The following ZNF740 variants were observed in gnomAD, a reference collection of about 807,000 sequenced individuals.
ZNF740 encodes oriLyt TD-element-binding protein 7.
In ZNF740, 14 loss-of-function variants were observed where a neutral mutation model predicts 24.8. That is an observed-to-expected ratio of 0.56 (90% CI 0.37 to 0.88). ZNF740 has a LOEUF of 0.88. Among genes scored for constraint, ZNF740 ranks in the 40% least tolerant of loss-of-function variants. The pLI is 0.00. For synonymous variants in ZNF740, 69 were observed against 84.0 expected (o/e 0.82, Z 0.98); for missense variants, 201 against 247.9 (o/e 0.81, Z 1.27).
At position 53,194,067 on chromosome 12, in the gene ZNF740, A is replaced by C; in HGVS notation, c.*6477A>C. On this transcript the variant is annotated 3_prime_UTR_variant, in exon 7 of 7. Coordinates refer to ENST00000416904, the MANE Select transcript of ZNF740 (RefSeq NM_001004304.4). ...AGGAAGCCACTCAGACTGCTCCAGGAAGGATGGATGGAGGACTACCTCAGG... is the reference window on the plus strand; with the variant it reads ...AGGAAGCCACTCAGACTGCTCCAGGCAGGATGGATGGAGGACTACCTCAGG... 8 of 1,413,080 alleles carry C rather than the reference A, an allele frequency of 5.7e-6. No homozygotes were observed. The highest frequency in any genetic ancestry group is 1.8e-5 in the Admixed American group (1 of 55,584). The allele number at this position is 1,413,080 out of a possible 1,614,324, so 87.5% of individuals were successfully genotyped here. A position where few individuals can be genotyped will look rare whatever the true frequency, so the allele number is the denominator to read the frequency against.
chr12:53,191,513 G>A lies in ZNF740; in HGVS notation c.*3923G>A. ...TTCCTCTCACCCTCCAGTTCCCACT[G>A]TCCTCCAAGGAGAAGAGCCTTGGGT... On this transcript the variant is annotated 3_prime_UTR_variant, in exon 7 of 7. Transcript: ENST00000416904. 6.8e-7 allele frequency: 1 copy of A among 1,469,628 alleles called. No homozygotes were observed. The highest frequency in any genetic ancestry group is 2.3e-5 in the East Asian group (1 of 44,128). 91.0% of individuals were successfully genotyped at this position (1,469,628 alleles called of 1,614,324 possible).
At position 53,191,919 on chromosome 12, in the gene ZNF740, G is replaced by A; in HGVS notation, c.*4329G>A. On this transcript the variant is annotated 3_prime_UTR_variant, in exon 7 of 7. Transcript: ENST00000416904. ...AGCGACTGTATTCCCGGCGGTCATA[G>A]ATTTCCACCGAGAGCCGGTAAGCCA... 5 of 1,611,178 alleles carry A rather than the reference G, an allele frequency of 3.1e-6. No homozygotes were observed. The highest frequency in any genetic ancestry group is 4.2e-6 in the Non-Finnish European group (5 of 1,179,948).
At chr12:53,186,146 C>A in intron 5 of ZNF740, 69 bp downstream of exon 5, 1 of 1,557,936 alleles carries the variant, frequency 6.4e-7, no homozygotes, top group Non-Finnish European at 8.7e-7. Context: ...CTGTTTGTGG[C>A]TCTAGTTGGG....
rs529260407 is a variant in ZNF740 at position 53,189,865 on chromosome 12, C to G, written c.*2275C>G. ...CAAAAATGCTTTTGAAAATGAGAGC[C>G]CTCTGTCCCTGCCACTTACAGCTAG... On this transcript the variant is annotated 3_prime_UTR_variant, in exon 7 of 7. Transcript: ENST00000416904. The G allele has an allele frequency of 6.6e-6, 1 of 152,158 alleles. No homozygotes were observed. The highest frequency in any genetic ancestry group is 6.5e-5 in the Admixed American group (1 of 15,280). The allele number at this position is 152,158 out of a possible 1,614,324, so 9.4% of individuals were successfully genotyped here.
chr12:53,180,925 G>C, intron 1 of ZNF740, 88 bp downstream of exon 1: 1 of 1,086,700 alleles, frequency 9.2e-7, no homozygotes, highest in Non-Finnish European at 1.1e-6. Flanking sequence ...CGCGCGGGAA[G>C]GGGGAGGGGA....
chr12:53,186,086 C>G lies in ZNF740; in HGVS notation c.373+9C>G. On this transcript the variant is annotated intron_variant, in intron 5 of 6. Coordinates refer to ENST00000416904, the MANE Select transcript of ZNF740 (RefSeq NM_001004304.4). ...CATCCTTATTCACACTGGTAAGTCTCTTGTTTATATTCAAAAGGGGGAGAA... is the reference window on the plus strand; with the variant it reads ...CATCCTTATTCACACTGGTAAGTCTGTTGTTTATATTCAAAAGGGGGAGAA... The G allele has an allele frequency of 6.2e-6, 10 of 1,608,202 alleles. No homozygotes were observed. The highest frequency in any genetic ancestry group is 8.5e-6 in the Non-Finnish European group (10 of 1,175,416).
At position 53,180,789 on chromosome 12, in the gene ZNF740, G is replaced by A; in HGVS notation, c.-356G>A. On this transcript the variant is annotated 5_prime_UTR_variant, in exon 1 of 7. Transcript: ENST00000416904. The stretch of plus-strand genomic sequence containing the variant: ...GGTTGGCAGGGTGTGCTGGGGCCTG[G>A]AGGAGGCGCCGCGCGGCCAGGGAGC... 7.9e-7 allele frequency: 1 copy of A among 1,273,286 alleles called. No individual in the cohort carries two copies. The highest frequency in any genetic ancestry group is 1.0e-6 in the Non-Finnish European group (1 of 982,626). The allele number at this position is 1,273,286 out of a possible 1,614,324, so 78.9% of individuals were successfully genotyped here.
In ZNF740 at chr12:53,194,616, T is replaced by G. The variant is rs1439908899; in HGVS notation, c.*7026T>G. The G allele has an allele frequency of 5.1e-6, 2 of 391,482 alleles. No homozygotes were observed. The highest frequency in any genetic ancestry group is 9.6e-6 in the Non-Finnish European group (2 of 208,798). 24.3% of individuals were successfully genotyped at this position (391,482 alleles called of 1,614,324 possible). A position where few individuals can be genotyped will look rare whatever the true frequency, so the allele number is the denominator to read the frequency against. ...TCACAGGCTGGCCAGGTGCTGTAAA[T>G]GTACAGAGACCATGTTTGTGAAGCC... On this transcript the variant is annotated 3_prime_UTR_variant, in exon 7 of 7. Coordinates refer to ENST00000416904, the MANE Select transcript of ZNF740 (RefSeq NM_001004304.4).
In ZNF740 at chr12:53,193,479, C is replaced by G. The variant is rs1942041444; in HGVS notation, c.*5889C>G. ...AAAAGAGTTGGAGACAGACAAACAG[C>G]TGAAAGGATGTTAAGTATAGTGAAA... On this transcript the variant is annotated 3_prime_UTR_variant, in exon 7 of 7. Transcript: ENST00000416904. The G allele has an allele frequency of 1.2e-6, 1 of 824,474 alleles. No individual in the cohort carries two copies. Among genetic ancestry groups the G allele is most frequent in the Non-Finnish European group, 1.9e-6 (1 of 535,384 alleles). The allele number at this position is 824,474 out of a possible 1,614,324, so 51.1% of individuals were successfully genotyped here.
At chr12:53,181,124 T>TGGTGCAGCG in intron 1 of ZNF740, 1 of 962,350 alleles carries the variant, frequency 1.0e-6, no homozygotes, top group Non-Finnish European at 1.2e-6. Flanking sequence ...TGCTCCCGGT[T>TGGTGCAGCG]GGTGCAGCGG....
In ZNF740 at chr12:53,180,823, G is replaced by A. The variant is rs187048132; in HGVS notation, c.-322G>A. ...CCGCGCGGCCAGGGAGCCAGCGGGA[G>A]GCCGCGCCTGGCAGGTAGGAGCAAG... On this transcript the variant is annotated 5_prime_UTR_variant, in exon 1 of 7. Transcript: ENST00000416904. 1 of 1,271,850 alleles carries A rather than the reference G, an allele frequency of 7.9e-7. No homozygotes were observed. The highest frequency in any genetic ancestry group is 1.0e-6 in the Non-Finnish European group (1 of 982,126). 78.8% of individuals were successfully genotyped at this position (1,271,850 alleles called of 1,614,324 possible).
At position 53,194,215 on chromosome 12, in the gene ZNF740, C is replaced by T. The variant is rs780497176; in HGVS notation, c.*6625C>T. On this transcript the variant is annotated 3_prime_UTR_variant, in exon 7 of 7. Transcript: ENST00000416904. Reference sequence around the variant, plus strand: ...GCTCTCACCGTCTGGTTGATTCGGACGTGGTTGCACTGTCCTCGATCCTCA... The same window carrying T: ...GCTCTCACCGTCTGGTTGATTCGGATGTGGTTGCACTGTCCTCGATCCTCA... 29 of 1,613,948 alleles carry T rather than the reference C, an allele frequency of 1.8e-5. No homozygotes were observed. The highest frequency in any genetic ancestry group is 2.2e-5 in the East Asian group (1 of 44,888).
In ZNF740 at chr12:53,193,316, T is replaced by C; in HGVS notation, c.*5726T>C. 6.2e-7 allele frequency: 1 copy of C among 1,608,646 alleles called. No homozygotes were observed. The highest frequency in any genetic ancestry group is 8.5e-7 in the Non-Finnish European group (1 of 1,175,948). Reference sequence around the variant, plus strand: ...AGATTCCAGGTCTGGGGAGGACAGCTCTGCCACAGAGCACTCACAGAGCCG... The same window carrying C: ...AGATTCCAGGTCTGGGGAGGACAGCCCTGCCACAGAGCACTCACAGAGCCG... On this transcript the variant is annotated 3_prime_UTR_variant, in exon 7 of 7. Coordinates refer to ENST00000416904, the MANE Select transcript of ZNF740 (RefSeq NM_001004304.4).
chr12:53,181,763 C>T lies in ZNF740; in HGVS notation c.-221C>T, dbSNP rs1337852410. On this transcript the variant is annotated 5_prime_UTR_variant, in exon 2 of 7. Transcript: ENST00000416904. ...ACTCTCTTTTTCTTCAGACAATAGG[C>T]AGGAGCCAGGCAGAGTCCAGGGATT... The T allele has an allele frequency of 1.7e-6, 1 of 603,660 alleles. No homozygotes were observed. Among genetic ancestry groups the T allele is most frequent in the Admixed American group, 3.4e-5 (1 of 29,694 alleles). 37.4% of individuals were successfully genotyped at this position (603,660 alleles called of 1,614,324 possible).
rs1941856964 is a variant in ZNF740, at chr12:53,187,976, GT to G, written c.*389del. On this transcript the variant is annotated 3_prime_UTR_variant, in exon 7 of 7. Coordinates refer to ENST00000416904, the MANE Select transcript of ZNF740 (RefSeq NM_001004304.4). ...ATTTGTTTGTTCTGTTCTTGTTTTTGTTTATCCAAAAGCAACTTCAGCGGGT... is the reference window on the plus strand; with the variant it reads ...ATTTGTTTGTTCTGTTCTTGTTTTTGTTATCCAAAAGCAACTTCAGCGGGT... 3 of 210,684 alleles carry G rather than the reference GT, an allele frequency of 1.4e-5. 1 individual carries two copies. In the South Asian group the frequency reaches 2.6e-4, roughly 18 times the overall value. 13.1% of individuals were successfully genotyped at this position (210,684 alleles called of 1,614,324 possible).
In ZNF740 at chr12:53,192,189, C is replaced by G. The variant is rs559562943; in HGVS notation, c.*4599C>G. On this transcript the variant is annotated 3_prime_UTR_variant, in exon 7 of 7. Coordinates refer to ENST00000416904, the MANE Select transcript of ZNF740 (RefSeq NM_001004304.4). ...CCAGGGCCTTAGCCTCGTCCACTTG[C>G]TCAATTGCCTCTGCCTTTGTCCTGG... The G allele has an allele frequency of 8.4e-7, 1 of 1,189,350 alleles. No individual in the cohort carries two copies. The highest frequency in any genetic ancestry group is 1.2e-6 in the Non-Finnish European group (1 of 840,814). The allele number at this position is 1,189,350 out of a possible 1,614,324, so 73.7% of individuals were successfully genotyped here.
chr12:53,184,207 CGGAG>C (rs1183748795), intron 2 of ZNF740, among the ~76,000 whole-genome samples: 3 of 127,326 alleles, frequency 2.4e-5, no homozygotes, highest in South Asian at 2.7e-4. Context: ...GTGTGAGTGA[CGGAG>C]GGATTCTCGC....
chr12:53,186,718 C>T, intron 6 of ZNF740: 1 of 486,656 alleles, frequency 2.1e-6, no homozygotes, highest in Non-Finnish European at 3.7e-6. Context: ...TAATAGCATT[C>T]CATATCACTT....
At position 53,191,840 on chromosome 12, in the gene ZNF740, AACCAGGAAGTCTCCTC is replaced by A. The variant is rs760789507; in HGVS notation, c.*4254_*4269del. On this transcript the variant is annotated 3_prime_UTR_variant, in exon 7 of 7. Transcript: ENST00000416904. ...TGGGGGAACAGCTAAAAAGGGGCCTAACCAGGAAGTCTCCTCACCTGCTTCCAGTTGAGTTGTTGCT... is the reference window on the plus strand; with the variant it reads ...TGGGGGAACAGCTAAAAAGGGGCCTAACCTGCTTCCAGTTGAGTTGTTGCT... 81 of 1,613,424 alleles carry A rather than the reference AACCAGGAAGTCTCCTC, an allele frequency of 5.0e-5. No homozygotes were observed. In the African/African-American group the frequency reaches 8.9e-4, roughly 18 times the overall value.
Sources: allele counts gnomAD v4.1 joint callset (sites outside exome capture counted in the v4.1 genomes callset), GRCh38; gene constraint gnomAD v4.1.1; transcripts MANE v1.5; gene names NCBI Gene and HGNC (gene_info 2026-07-23, HGNC 2026-07-21).